Variants in ACTN1 observed in about 807,000 individuals in gnomAD.
The protein encoded by ACTN1 is alpha-actinin-1.
Under a neutral mutation model 119.6 loss-of-function variants are expected in ACTN1, and 30 were observed. That is an observed-to-expected ratio of 0.25 (90% CI 0.19 to 0.34). The LOEUF is 0.34. Among genes scored for constraint, ACTN1 ranks in the 10% least tolerant of loss-of-function variants. The pLI, the probability that ACTN1 is intolerant of heterozygous loss-of-function variation, is 1.00. For missense variants in ACTN1, 764 were observed against 1,223.4 expected, an observed-to-expected ratio of 0.62 and a Z score of 5.60; for synonymous variants, 429 against 472.6, an observed-to-expected ratio of 0.91 and a Z score of 1.20.
At chr14:68,956,740 C>A (rs1032176069) in intron 1 of ACTN1, among the ~76,000 whole-genome samples, 1 of 152,180 alleles carries the variant, frequency 6.6e-6, no homozygotes, top group African/African-American at 2.4e-5. Context: ...ATCCTCATCG[C>A]AAAGGAACCT....
intron 6 of ACTN1, among the ~76,000 whole-genome samples, chr14:68,908,653 A>G (rs2033815143): frequency 6.6e-6 from 1 of 152,108 alleles, no homozygotes; most frequent in African/African-American, 2.4e-5. Context: ...GGGAACCTGG[A>G]GAGTGTGGTC....
chr14:68,907,044 G>A (rs570733238), intron 6 of ACTN1, among the ~76,000 whole-genome samples: 3 of 152,028 alleles, frequency 2.0e-5, no homozygotes, highest in Non-Finnish European at 4.4e-5. Context: ...AGGCCAAGGT[G>A]AGCGAATCAC....
intron 1 of ACTN1, chr14:68,978,676 G>C (rs2037155821): frequency 3.1e-6 from 1 of 322,426 alleles, no homozygotes. Flanking sequence ...CCGCAGGGTG[G>C]CCTGGACCAC....
chr14:68,921,057 G>A lies in ACTN1; in HGVS notation c.289C>T (p.Leu97=). Residue 97 remains leucine (L), a synonymous_variant, in exon 3 of 22, where the codon CTG becomes TTG. Coordinates refer to ENST00000394419, the MANE Select transcript of ACTN1 (RefSeq NM_001130004.2). The part of the protein sequence containing the change: ...VHKISNVNKA[L]DFIASKGVKL... ...ACGCCTTTGCTGGCTATGAAATCCA[G>A]GGCCTTGTTGACGTTGGAGATCTTG... 1 of 1,614,196 alleles carries A rather than the reference G, an allele frequency of 6.2e-7. No individual in the cohort carries two copies. The highest frequency in any genetic ancestry group is 8.5e-7 in the Non-Finnish European group (1 of 1,180,016).
intron 1 of ACTN1, among the ~76,000 whole-genome samples, chr14:68,960,360 C>T (rs956988480): frequency 1.3e-5 from 2 of 152,152 alleles, no homozygotes; most frequent in Admixed American, 1.3e-4. Context: ...CATATACATA[C>T]ATACAAACAA....
chr14:68,888,730 C>G (rs1475033), intron 11 of ACTN1, among the ~76,000 whole-genome samples: 45,661 of 151,978 alleles, frequency 0.3, 7,247 homozygotes, highest in Admixed American at 0.44. Context: ...AGGGGCGGCA[C>G]TGGATTCTCA....
At chr14:68,960,141 G>C (rs1352077608) in intron 1 of ACTN1, among the ~76,000 whole-genome samples, 1 of 152,092 alleles carries the variant, frequency 6.6e-6, no homozygotes, top group Admixed American at 6.5e-5. Flanking sequence ...AGAAGAAGGA[G>C]GACAGCTACT....
At chr14:68,912,743 CA>C (rs891504830) in intron 3 of ACTN1, among the ~76,000 whole-genome samples, 19 of 151,616 alleles carry the variant, frequency 1.3e-4, no homozygotes, top group Admixed American at 9.9e-4. Flanking sequence ...ATTTGGGGCA[CA>C]AAAAAAGGGT....
intron 16 of ACTN1, among the ~76,000 whole-genome samples, chr14:68,881,521 C>T (rs916520659): frequency 6.6e-6 from 1 of 152,178 alleles, no homozygotes; most frequent in Non-Finnish European, 1.5e-5. Context: ...ATGTAAACAA[C>T]CATTGTTTGT....
chr14:68,941,940 C>T (rs1315679551), intron 1 of ACTN1, among the ~76,000 whole-genome samples: 1 of 152,180 alleles, frequency 6.6e-6, no homozygotes, highest in Non-Finnish European at 1.5e-5. Context: ...CAAGCCAATG[C>T]CACAGCGCCA....
In ACTN1 at chr14:68,933,577, T is replaced by C. The variant is rs2035336194; in HGVS notation, c.106-7905A>G. On this transcript the variant is annotated intron_variant, in intron 1 of 21. Coordinates refer to ENST00000394419, the MANE Select transcript of ACTN1 (RefSeq NM_001130004.2). ...GAGAGCTACTCAATGGCAACTAGAA[T>C]ACGGCCTCTGTATCACGGCAGGAGG... Among the ~76,000 whole-genome samples, 3 of 152,222 alleles carry C rather than the reference T, an allele frequency of 2.0e-5. No individual in the cohort carries two copies. In the South Asian group the frequency reaches 6.2e-4, roughly 32 times the overall value.
intron 2 of ACTN1, among the ~76,000 whole-genome samples, chr14:68,924,743 A>G (rs2140379901): frequency 6.6e-6 from 1 of 152,370 alleles, no homozygotes; most frequent in East Asian, 1.9e-4. Flanking sequence ...GTAGGGGTTA[A>G]AAGAAGGACT....
At position 68,948,373 on chromosome 14, in the gene ACTN1, C is replaced by T. The variant is rs548340154; in HGVS notation, c.106-22701G>A. Among the ~76,000 whole-genome samples the T allele has an allele frequency of 3.7e-3, 557 of 152,258 alleles. 3 individuals are homozygous for T. The highest frequency in any genetic ancestry group is 0.012 in the African/African-American group (507 of 41,560). On this transcript the variant is annotated intron_variant, in intron 1 of 21. Transcript: ENST00000394419. ...GGGTGGATCACCTGAGGTCAGGAGTCCAAGACCAGCCTGACCAACATGGTG... is the reference window on the plus strand; with the variant it reads ...GGGTGGATCACCTGAGGTCAGGAGTTCAAGACCAGCCTGACCAACATGGTG...
At chr14:68,946,071 C>A (rs1270414525) in intron 1 of ACTN1, among the ~76,000 whole-genome samples, 7 of 152,134 alleles carry the variant, frequency 4.6e-5, no homozygotes, top group African/African-American at 1.7e-4. Flanking sequence ...CACTTTCAAC[C>A]ACAGGCTCAG....
intron 14 of ACTN1, 72 bp from the exon 15 acceptor site, chr14:68,883,127 G>A: frequency 6.7e-7 from 1 of 1,499,484 alleles, no homozygotes; most frequent in Non-Finnish European, 9.2e-7. Flanking sequence ...GGGCCATGGA[G>A]GTTGAGTTCC....
rs887324357 is a variant in ACTN1 at position 68,979,272 on chromosome 14, C to G, written c.-216G>C. 1 of 285,240 alleles carries G rather than the reference C, an allele frequency of 3.5e-6. No individual in the cohort carries two copies. The highest frequency in any genetic ancestry group is 2.4e-5 in the African/African-American group (1 of 42,156). The allele number at this position is 285,240 out of a possible 1,614,324, so 17.7% of individuals were successfully genotyped here. Reference sequence around the variant, plus strand: ...GGCTCGCGGACTGCCTGCCTCTGGGCGGGCGCTTGGACCTAATCTCCACGC... The same window carrying G: ...GGCTCGCGGACTGCCTGCCTCTGGGGGGGCGCTTGGACCTAATCTCCACGC... On this transcript the variant is annotated 5_prime_UTR_variant, in exon 1 of 22. Transcript: ENST00000394419.
At position 68,884,312 on chromosome 14, in the gene ACTN1, G is replaced by A. The variant is rs747879111; in HGVS notation, c.1495-4C>T. On this transcript the variant is annotated splice_polypyrimidine_tract_variant and splice_region_variant and intron_variant, in intron 13 of 21. Coordinates refer to ENST00000394419, the MANE Select transcript of ACTN1 (RefSeq NM_001130004.2). ...TCTCCAGCAGTTTCTCGGTCCGCTGGGAGTGCCAAATAGGGTAAGGGTTAG... is the reference window on the plus strand; with the variant it reads ...TCTCCAGCAGTTTCTCGGTCCGCTGAGAGTGCCAAATAGGGTAAGGGTTAG... 4 of 1,613,760 alleles carry A rather than the reference G, an allele frequency of 2.5e-6. No individual in the cohort carries two copies. The highest frequency in any genetic ancestry group is 2.7e-5 in the African/African-American group (2 of 75,032).
At chr14:68,940,712 C>T (rs2035735494) in intron 1 of ACTN1, among the ~76,000 whole-genome samples, 1 of 151,994 alleles carries the variant, frequency 6.6e-6, no homozygotes, top group Admixed American at 6.6e-5. Flanking sequence ...TCTATCCTCT[C>T]CCCAGGGTCA....
chr14:68,939,828 G>A (rs2035704032), intron 1 of ACTN1, among the ~76,000 whole-genome samples: 1 of 152,166 alleles, frequency 6.6e-6, no homozygotes, highest in Non-Finnish European at 1.5e-5. Context: ...AAACTAAAAT[G>A]TTCCAGGACC....
Sources: allele counts gnomAD v4.1 joint callset (sites outside exome capture counted in the v4.1 genomes callset), GRCh38; gene constraint gnomAD v4.1.1; transcripts MANE v1.5; gene names NCBI Gene and HGNC (gene_info 2026-07-23, HGNC 2026-07-21).